The following ARHGAP6 variants were observed in gnomAD, a reference collection of about 807,000 sequenced individuals.
ARHGAP6 encodes the protein rho GTPase-activating protein 6.
A neutral mutation model predicts 55.7 loss-of-function variants in ARHGAP6; 16 were observed. That is an observed-to-expected ratio of 0.29 (90% confidence interval 0.19 to 0.44). The LOEUF is 0.44. Ranked by LOEUF, ARHGAP6 falls within the 20% of genes least tolerant of loss-of-function variation. ARHGAP6 has a pLI of 1.00. For missense variants in ARHGAP6, 698 were observed against 808.9 expected (o/e 0.86, Z 1.66); for synonymous variants, 382 against 360.9 (o/e 1.06, Z -0.66).
intron 2 of ARHGAP6, among the ~76,000 whole-genome samples, chrX:11,206,378 G>A (rs934509450): frequency 1.8e-5 from 2 of 111,698 alleles, no homozygotes; most frequent in African/African-American, 6.5e-5. Flanking sequence ...TAAGTATAAA[G>A]GAAATAAGAG....
intron 1 of ARHGAP6, among the ~76,000 whole-genome samples, chrX:11,394,411 A>C (rs146600470): frequency 1.3e-4 from 14 of 111,942 alleles, no homozygotes; most frequent in African/African-American, 4.5e-4. Context: ...AATGGGGATG[A>C]ACAATTTCAT....
At chrX:11,200,138 T>TCCACAACTA (rs1419044066) in intron 2 of ARHGAP6, among the ~76,000 whole-genome samples, 30 of 112,667 alleles carry the variant, frequency 2.7e-4, no homozygotes, top group African/African-American at 9.4e-4. Context: ...AAATGCAAGC[T>TCCACAACTA]CCACAACTAC....
chrX:11,550,442 T>C (rs762172922), intron 1 of ARHGAP6, among the ~76,000 whole-genome samples: 2 of 112,355 alleles, frequency 1.8e-5, no homozygotes, highest in South Asian at 3.7e-4. Flanking sequence ...TGACTGAATA[T>C]TGGAACTTTT....
At chrX:11,323,668 C>T (rs1011794547) in intron 1 of ARHGAP6, among the ~76,000 whole-genome samples, 6 of 110,538 alleles carry the variant, frequency 5.4e-5, no homozygotes, top group Non-Finnish European at 9.5e-5. Context: ...AGTTTGAGGC[C>T]AGCCTGGCCA....
chrX:11,433,469 T>G (rs756240622), intron 1 of ARHGAP6, among the ~76,000 whole-genome samples: 1 of 112,292 alleles, frequency 8.9e-6, no homozygotes, highest in East Asian at 2.8e-4. Flanking sequence ...ATATATATGT[T>G]CTATTCAAGG....
At chrX:11,329,634 G>A (rs1051682769) in intron 1 of ARHGAP6, among the ~76,000 whole-genome samples, 6 of 112,102 alleles carry the variant, frequency 5.4e-5, no homozygotes, top group Non-Finnish European at 1.1e-4. Flanking sequence ...GAACATCATA[G>A]AGTGTATTTA....
At chrX:11,616,959 T>A (rs1402881040) in intron 1 of ARHGAP6, among the ~76,000 whole-genome samples, 5 of 111,901 alleles carry the variant, frequency 4.5e-5, no homozygotes, top group Non-Finnish European at 9.4e-5. Flanking sequence ...CATATCACAT[T>A]CTTTTGAGTA....
intron 1 of ARHGAP6, among the ~76,000 whole-genome samples, chrX:11,518,899 C>A (rs2050879935): frequency 1.1e-5 from 1 of 90,595 alleles, no homozygotes; most frequent in Non-Finnish European, 2.1e-5. Context: ...GTTTTTTGTT[C>A]TTGCGATAGT....
chrX:11,292,763 G>C (rs1156802241), intron 1 of ARHGAP6, among the ~76,000 whole-genome samples: 9 of 112,313 alleles, frequency 8.0e-5, no homozygotes, highest in African/African-American at 2.6e-4. Context: ...AGAACCTTAA[G>C]TTCCTGATTG....
At chrX:11,150,560 A>T (rs931003321) in intron 10 of ARHGAP6, among the ~76,000 whole-genome samples, 1 of 112,334 alleles carries the variant, frequency 8.9e-6, no homozygotes, top group Non-Finnish European at 1.9e-5. Flanking sequence ...TTATTATTTT[A>T]TTTCAGGTTA....
chrX:11,663,233 G>A (rs947220715), intron 1 of ARHGAP6, among the ~76,000 whole-genome samples: 5 of 111,680 alleles, frequency 4.5e-5, no homozygotes, highest in Non-Finnish European at 9.4e-5. Context: ...ATTTTCAAAC[G>A]GTTTTCCTTG....
chrX:11,408,316 G>A (rs766848673), intron 1 of ARHGAP6, among the ~76,000 whole-genome samples: 19 of 111,189 alleles, frequency 1.7e-4, no homozygotes, highest in Non-Finnish European at 3.4e-4. Flanking sequence ...TGTGGCAAAC[G>A]TTGTATAAGC....
intron 1 of ARHGAP6, among the ~76,000 whole-genome samples, chrX:11,474,055 C>T (rs984831965): frequency 9.0e-6 from 1 of 111,164 alleles, no homozygotes; most frequent in Non-Finnish European, 1.9e-5. Flanking sequence ...TCAATATGTA[C>T]CCTCTGGGCC....
chrX:11,572,551 G>C (rs1185248526), intron 1 of ARHGAP6, among the ~76,000 whole-genome samples: 2 of 111,478 alleles, frequency 1.8e-5, no homozygotes, highest in Admixed American at 9.5e-5. Flanking sequence ...GTATTCCATG[G>C]TGTATATGTG....
chrX:11,576,173 T>G (rs1444371427), intron 1 of ARHGAP6, among the ~76,000 whole-genome samples: 1 of 112,097 alleles, frequency 8.9e-6, no homozygotes, highest in African/African-American at 3.2e-5. Context: ...CAGTGAGAAC[T>G]CCTTGTTCTT....
chrX:11,410,386 G>A (rs2049665684), intron 1 of ARHGAP6, among the ~76,000 whole-genome samples: 3 of 112,545 alleles, frequency 2.7e-5, no homozygotes, highest in African/African-American at 6.5e-5. Flanking sequence ...ACCACGTATT[G>A]TATGATTCCA....
chrX:11,536,348 G>A (rs1396463533), intron 1 of ARHGAP6, among the ~76,000 whole-genome samples: 2 of 112,149 alleles, frequency 1.8e-5, no homozygotes, highest in Non-Finnish European at 3.8e-5. Context: ...ATACCTCAGT[G>A]TCCTTGTCCG....
At chrX:11,162,102 A>G (rs1430015269) in intron 9 of ARHGAP6, among the ~76,000 whole-genome samples, 1 of 111,768 alleles carries the variant, frequency 8.9e-6, no homozygotes, top group East Asian at 2.8e-4. Context: ...CCTCAAAGCT[A>G]GGGCAAGATC....
intron 1 of ARHGAP6, among the ~76,000 whole-genome samples, chrX:11,584,959 G>A (rs2051711297): frequency 8.9e-6 from 1 of 111,881 alleles, no homozygotes; most frequent in Non-Finnish European, 1.9e-5. Context: ...AGGCCTCAGT[G>A]CCTGTTGTTC....
Sources: allele counts gnomAD v4.1 joint callset (sites outside exome capture counted in the v4.1 genomes callset), GRCh38; gene constraint gnomAD v4.1.1; transcripts MANE v1.5; gene names NCBI Gene and HGNC (gene_info 2026-07-23, HGNC 2026-07-21).